Variants in PGR observed in about 807,000 individuals in gnomAD.
The protein encoded by PGR is nuclear receptor subfamily 3 group C member 3.
In PGR, 25 loss-of-function variants were observed where a neutral mutation model predicts 76.1. The ratio of observed to expected loss-of-function variants is 0.33; its 90% CI spans 0.24 to 0.46. The LOEUF (loss-of-function observed/expected upper bound fraction) is 0.46, where lower values mean the gene tolerates loss of function less well. PGR is among the 20% of genes least tolerant of loss of function. The probability of loss-of-function intolerance (pLI) is 1.00; values close to 1 mark genes in which losing one functional copy is unlikely to be tolerated. For synonymous variants in PGR, 579 were observed against 535.0 expected, an observed-to-expected ratio of 1.08 and a Z score of -1.14; for missense variants, 1,172 against 1,225.3, an observed-to-expected ratio of 0.96 and a Z score of 0.65.
In PGR at chr11:101,128,781, C is replaced by T; in HGVS notation, c.290G>A (p.Gly97Glu). 1 of 1,614,126 alleles carries T rather than the reference C, an allele frequency of 6.2e-7. No individual in the cohort carries two copies. The highest frequency in any genetic ancestry group is 1.3e-5 in the African/African-American group (1 of 75,076). ...TTCTGGGGGACTAGAACTGCTGCCT[C>T]CAGCACCCCTTGTAGCTTCAGCTCT... Reference protein sequence around the residue: ...YSRAEATRGAGGSSSSPPEKD... With the variant: ...YSRAEATRGAEGSSSSPPEKD... The change falls in exon 1 of 8, where the codon GGA becomes GAA. Residue 97 changes from glycine (G) to glutamate (E), a missense_variant. By Grantham distance (98) the Gly-to-Glu change is moderately conservative (BLOSUM62 -2). Transcript: ENST00000325455.
At position 101,062,638 on chromosome 11, in the gene PGR, G is replaced by A. The variant is rs1860545907; in HGVS notation, c.2021C>T (p.Thr674Ile). 3 of 1,613,882 alleles carry A rather than the reference G, an allele frequency of 1.9e-6. No homozygotes were observed. Among genetic ancestry groups the A allele is most frequent in the African/African-American group, 1.3e-5 (1 of 74,906 alleles). Residue 674 changes from threonine to isoleucine, a missense_variant, in exon 4 of 8, where the codon ACT becomes ATT. Coordinates refer to ENST00000325455, the MANE Select transcript of PGR (RefSeq NM_000926.4). ...CTGTATGTCTTGACCTGGTGAAAAA[G>A]TGAATCTCTGGCTTAGGGCTTGGCT... ...NESQALSQRF[T>I]FSPGQDIQLI... is the part of the protein sequence containing the mutation.
Position 101,038,918 on chromosome 11 carries a change from A to G in PGR, c.*198T>C. The G allele has an allele frequency of 2.0e-6, 1 of 489,132 alleles. No homozygotes were observed. The highest frequency in any genetic ancestry group is 3.6e-6 in the Non-Finnish European group (1 of 277,254). The allele number at this position is 489,132 out of a possible 1,614,324, so 30.3% of individuals were successfully genotyped here. A position where few individuals can be genotyped will look rare whatever the true frequency, so the allele number is the denominator to read the frequency against. ...TTCTTCAAGAAAATATGGGTAAACA[A>G]AACAGTTAAACATTCTAATTATACT... On this transcript the variant is annotated 3_prime_UTR_variant, in exon 8 of 8. Transcript: ENST00000325455.
Position 101,032,284 on chromosome 11 carries a change from T to C in PGR, c.*6832A>G, listed in dbSNP as rs75484410. 5.1e-3 allele frequency: 1,198 copies of C among 232,962 alleles called. 5 individuals are homozygous for C. The highest frequency in any genetic ancestry group is 8.5e-3 in the Non-Finnish European group (998 of 117,884). 14.4% of individuals were successfully genotyped at this position (232,962 alleles called of 1,614,324 possible). A position where few individuals can be genotyped will look rare whatever the true frequency, so the allele number is the denominator to read the frequency against. On this transcript the variant is annotated 3_prime_UTR_variant, in exon 8 of 8. Coordinates refer to ENST00000325455, the MANE Select transcript of PGR (RefSeq NM_000926.4). ...ATGATCATCATTTTCACCAAAATAG[T>C]GCAACTTCCTCAAAAATGTTCTCCC...
At chr11:101,115,128 A>G (rs2135492106) in intron 2 of PGR, among the ~76,000 whole-genome samples, 1 of 152,256 alleles carries the variant, frequency 6.6e-6, no homozygotes, top group Non-Finnish European at 1.5e-5. Flanking sequence ...TATAATCGTA[A>G]GGGATTCTGA....
At chr11:101,050,106 A>G (rs779395563) in intron 5 of PGR, 47 bp from the exon 6 acceptor site, 17 of 1,598,912 alleles carry the variant, frequency 1.1e-5, no homozygotes, top group Admixed American at 8.4e-5. Context: ...AGGAAAAAAA[A>G]TAGTGTCTCA....
chr11:101,086,033 G>C (rs550103796), intron 3 of PGR, among the ~76,000 whole-genome samples: 1 of 152,208 alleles, frequency 6.6e-6, no homozygotes, highest in South Asian at 2.1e-4. Flanking sequence ...AGTAGAGCTG[G>C]TACCAATTCT....
At chr11:101,115,642 A>G (rs571588938) in intron 2 of PGR, among the ~76,000 whole-genome samples, 1 of 152,084 alleles carries the variant, frequency 6.6e-6, no homozygotes, top group Non-Finnish European at 1.5e-5. Flanking sequence ...GTGGTGGTAC[A>G]TGCCTGTAAT....
Position 101,091,878 on chromosome 11 carries a change from TAA to T in PGR, c.1790-4_1790-3del. The T allele has an allele frequency of 6.7e-7, 1 of 1,494,784 alleles. No individual in the cohort carries two copies. Among genetic ancestry groups the T allele is most frequent in the Non-Finnish European group, 9.3e-7 (1 of 1,071,814 alleles). The allele number at this position is 1,494,784 out of a possible 1,614,324, so 92.6% of individuals were successfully genotyped here. A position where few individuals can be genotyped will look rare whatever the true frequency, so the allele number is the denominator to read the frequency against. On this transcript the variant is annotated splice_polypyrimidine_tract_variant and splice_region_variant and intron_variant, in intron 2 of 7. Transcript: ENST00000325455. ...CAGCACATAAGTAGTTGTGCTGCCCTAAAAAAACAAAATGAGTCAAAATTATT... is the reference window on the plus strand; with the variant it reads ...CAGCACATAAGTAGTTGTGCTGCCCTAAAAACAAAATGAGTCAAAATTATT...
chr11:101,121,747 G>T (rs1483018869), intron 2 of PGR, among the ~76,000 whole-genome samples: 1 of 152,168 alleles, frequency 6.6e-6, no homozygotes, highest in Non-Finnish European at 1.5e-5. Flanking sequence ...AGCCAGCAAG[G>T]TCTCTCGTTT....
chr11:101,061,250 AATTAT>A, intron 4 of PGR, among the ~76,000 whole-genome samples: 1 of 152,286 alleles, frequency 6.6e-6, no homozygotes, highest in East Asian at 1.9e-4. Flanking sequence ...ATGTTCAAAA[AATTAT>A]TGTCTGTTTA....
intron 4 of PGR, among the ~76,000 whole-genome samples, chr11:101,061,710 A>G (rs1175255256): frequency 6.6e-6 from 1 of 152,190 alleles, no homozygotes; most frequent in African/African-American, 2.4e-5. Flanking sequence ...AACAATTGCT[A>G]TACATGTATT....
rs1863026560 is a variant in PGR at position 101,129,349 on chromosome 11, A to C, written c.-279T>G. 1 of 415,722 alleles carries C rather than the reference A, an allele frequency of 2.4e-6. No homozygotes were observed. Among genetic ancestry groups the C allele is most frequent in the Non-Finnish European group, 4.3e-6 (1 of 233,894 alleles). 25.8% of individuals were successfully genotyped at this position (415,722 alleles called of 1,614,324 possible). A position where few individuals can be genotyped will look rare whatever the true frequency, so the allele number is the denominator to read the frequency against. On this transcript the variant is annotated 5_prime_UTR_variant, in exon 1 of 8. Transcript: ENST00000325455. ...AAGAAAAAGTAGTAATTGTTAGGAG[A>C]TCTCGTCTCCTAACTCGGGGAGTTC...
Position 101,035,126 on chromosome 11 carries a change from T to C in PGR, c.*3990A>G, listed in dbSNP as rs532117160. The C allele has an allele frequency of 2.4e-5, 5 of 210,158 alleles. No homozygotes were observed. The highest frequency in any genetic ancestry group is 3.9e-5 in the Non-Finnish European group (4 of 103,416). 13.0% of individuals were successfully genotyped at this position (210,158 alleles called of 1,614,324 possible). A position where few individuals can be genotyped will look rare whatever the true frequency, so the allele number is the denominator to read the frequency against. On this transcript the variant is annotated 3_prime_UTR_variant, in exon 8 of 8. Coordinates refer to ENST00000325455, the MANE Select transcript of PGR (RefSeq NM_000926.4). ...CAATGGCTATTGAACAGGCATACTT[T>C]GGGAAAAACAAACTTATGCCATTAC...
chr11:101,094,222 C>T (rs1220900839), intron 2 of PGR, among the ~76,000 whole-genome samples: 1 of 152,210 alleles, frequency 6.6e-6, no homozygotes, highest in African/African-American at 2.4e-5. Context: ...AAAACATCAT[C>T]TACATTTGCT....
In PGR at chr11:101,036,425, A is replaced by G. The variant is rs1044483038; in HGVS notation, c.*2691T>C. 1 of 201,878 alleles carries G rather than the reference A, an allele frequency of 5.0e-6. No individual in the cohort carries two copies. Among genetic ancestry groups the G allele is most frequent in the Admixed American group, 6.0e-5 (1 of 16,678 alleles). The allele number at this position is 201,878 out of a possible 1,614,324, so 12.5% of individuals were successfully genotyped here. A position where few individuals can be genotyped will look rare whatever the true frequency, so the allele number is the denominator to read the frequency against. ...AATATTTTCATTAACTCAAGAATCT[A>G]TTTCAGTAACCTTCAAGTATTTCCT... On this transcript the variant is annotated 3_prime_UTR_variant, in exon 8 of 8. Transcript: ENST00000325455.
intron 3 of PGR, among the ~76,000 whole-genome samples, chr11:101,080,526 A>T (rs1252400548): frequency 6.6e-6 from 1 of 152,056 alleles, no homozygotes; most frequent in African/African-American, 2.4e-5. Context: ...TTGAAGTGCC[A>T]ATGTCTCCAG....
In PGR at chr11:101,127,536, T is replaced by C; in HGVS notation, c.1535A>G (p.Tyr512Cys). ...GAGCCCGTTGAGGCCGAGTGCAGGG[T>C]AGAGCGCGGGGGCCGCCCCGGCGGC... Reference protein sequence around the residue: ...AAAAGAAPALYPALGLNGLPQ... With the variant: ...AAAAGAAPALCPALGLNGLPQ... The change falls in exon 1 of 8, where the codon TAC (tyrosine) becomes TGC (cysteine). Residue 512 changes from tyrosine (Y) to cysteine (C), a missense_variant. Tyr to Cys is a radical substitution (Grantham distance 194, BLOSUM62 -2). Coordinates refer to ENST00000325455, the MANE Select transcript of PGR (RefSeq NM_000926.4). 1 of 1,457,114 alleles carries C rather than the reference T, an allele frequency of 6.9e-7. No homozygotes were observed. Among genetic ancestry groups the C allele is most frequent in the Non-Finnish European group, 9.0e-7 (1 of 1,105,000 alleles). 90.3% of individuals were successfully genotyped at this position (1,457,114 alleles called of 1,614,324 possible).
chr11:101,112,428 A>G (rs1485357814), intron 2 of PGR, among the ~76,000 whole-genome samples: 1 of 152,144 alleles, frequency 6.6e-6, no homozygotes, highest in Non-Finnish European at 1.5e-5. Context: ...GTGGTCAAGG[A>G]GAGAGGGCTG....
chr11:101,089,965 G>A (rs11571188), intron 3 of PGR, among the ~76,000 whole-genome samples: 5,521 of 152,238 alleles, frequency 0.036, 290 homozygotes, highest in African/African-American at 0.12. Flanking sequence ...TTAGAAGGCC[G>A]AGGTGGGCAG....
Sources: gnomAD v4.1 joint callset for allele counts (sites outside exome capture counted in the v4.1 genomes callset) on GRCh38, gnomAD v4.1.1 for gene constraint, MANE v1.5 for transcripts, NCBI Gene and HGNC (gene_info 2026-07-23, HGNC 2026-07-21) for gene names.